Variants in ZNF638 observed in about 807,000 individuals in gnomAD.
ZNF638 encodes CTCL tumor antigen se33-1.
A neutral mutation model predicts 195.6 loss-of-function variants in ZNF638; 46 were observed. That is an observed-to-expected ratio of 0.24 (90% CI 0.19 to 0.30). The LOEUF (loss-of-function observed/expected upper bound fraction) is 0.30. ZNF638 is among the 10% of genes least tolerant of loss of function. ZNF638 has a pLI of 1.00. For missense variants in ZNF638, 2,440 were observed against 2,325.3 expected (o/e 1.05, Z -1.01); for synonymous variants, 845 against 772.0 (o/e 1.09, Z -1.57).
chr2:71,380,456 A>AT, intron 9 of ZNF638, 57 bp from the exon 10 acceptor site: 1 of 1,469,856 alleles, frequency 6.8e-7, no homozygotes, highest in Non-Finnish European at 9.3e-7. Flanking sequence ...CATTTTTAGG[A>AT]TTTTGTAGAA....
rs766133426 is a variant in ZNF638, at chr2:71,349,921, A to G, written c.967A>G (p.Met323Val). Residue 323 changes from methionine (M) to valine (V), a missense_variant, in exon 2 of 28, where the codon ATG becomes GTG. Transcript: ENST00000264447. ...CATTAACCAAACAGTTAGCCAGACA[A>G]TGAGTCAATCTCTGATTCCTCCATC... ...QSINQTVSQT[M>V]SQSLIPPSMN... 1.1e-5 allele frequency: 17 copies of G among 1,614,112 alleles called. No individual in the cohort carries two copies. The highest frequency in any genetic ancestry group is 5.0e-5 in the Admixed American group (3 of 60,014).
chr2:71,411,481 T>A (rs1319312977), intron 20 of ZNF638, among the ~76,000 whole-genome samples: 1 of 145,148 alleles, frequency 6.9e-6, no homozygotes, highest in Admixed American at 6.9e-5. Context: ...TTAATTTTTT[T>A]TTTTTTATTA....
intron 3 of ZNF638, chr2:71,361,544 A>G (rs2079109770): frequency 6.6e-6 from 1 of 152,216 alleles, no homozygotes; most frequent in Admixed American, 6.5e-5. Context: ...AAAGTTTTAA[A>G]AAGTGTGGAA....
At chr2:71,388,523 T>A in intron 10 of ZNF638, 1 of 713,022 alleles carries the variant, frequency 1.4e-6, no homozygotes, top group Non-Finnish European at 2.6e-6. Flanking sequence ...TTATTGGGGC[T>A]GCGTTCTCTC....
At chr2:71,417,178 G>C (rs1573151789) in intron 20 of ZNF638, among the ~76,000 whole-genome samples, 3 of 151,808 alleles carry the variant, frequency 2.0e-5, no homozygotes, top group East Asian at 3.9e-4. Context: ...ATAGTCTCGT[G>C]GTGTGCCGTT....
chr2:71,365,794 A>C (rs1001220071), intron 6 of ZNF638, 88 bp downstream of exon 6: 5 of 1,272,668 alleles, frequency 3.9e-6, no homozygotes, highest in African/African-American at 1.5e-5. Context: ...AGCATGGCTC[A>C]CTGCAGCCTC....
rs202213703 is a variant in ZNF638, at chr2:71,423,695, T to C, written c.4181T>C (p.Ile1394Thr). The change falls in exon 22 of 28, where the codon ATC becomes ACC. Residue 1394 changes from isoleucine (I) to threonine (T), a missense_variant. Physicochemically the swap from Ile to Thr is moderately conservative, Grantham distance 89 (BLOSUM62 -1). This residue lies in a region of ZNF638 where 1,883 missense variants were observed against 1,739.1 expected (regional missense o/e 1.08). Transcript: ENST00000264447. The part of the protein sequence containing the change: ...VSDVSSSKPS[I>T]KAVIVSSPKA... ...GATGTATCTAGCAGTAAACCAAGCATCAAGGCTGTTATAGTCTCTTCTCCT... is the reference window on the plus strand; with the variant it reads ...GATGTATCTAGCAGTAAACCAAGCACCAAGGCTGTTATAGTCTCTTCTCCT... 2.5e-6 allele frequency: 4 copies of C among 1,613,856 alleles called. No homozygotes were observed. Among genetic ancestry groups the C allele is most frequent in the East Asian group, 4.5e-5 (2 of 44,886 alleles).
intron 2 of ZNF638, among the ~76,000 whole-genome samples, chr2:71,353,812 CAAAT>C (rs1056738879): frequency 6.6e-6 from 1 of 152,178 alleles, no homozygotes; most frequent in African/African-American, 2.4e-5. Flanking sequence ...CTTTATGGTT[CAAAT>C]AAATCATGCC....
intron 1 of ZNF638, 81 bp downstream of exon 1, chr2:71,331,956 A>T (rs2078576520): frequency 1.0e-6 from 1 of 981,274 alleles, no homozygotes. Flanking sequence ...TTCCTGTGAG[A>T]TCCGGGCCGA....
chr2:71,396,069 G>T, intron 10 of ZNF638, 72 bp from the exon 11 acceptor site: 3 of 1,397,534 alleles, frequency 2.1e-6, no homozygotes, highest in Non-Finnish European at 3.0e-6. Flanking sequence ...ATTATTGCTA[G>T]GTTGACTTTT....
intron 16 of ZNF638, 148 bp downstream of exon 16, chr2:71,402,235 A>G: frequency 2.6e-6 from 2 of 768,480 alleles, no homozygotes; most frequent in East Asian, 3.1e-5. Context: ...TAAAACACAG[A>G]TATCCTGTAT....
chr2:71,400,030 C>A, intron 13 of ZNF638, 82 bp from the exon 14 acceptor site: 1 of 1,173,730 alleles, frequency 8.5e-7, no homozygotes, highest in Non-Finnish European at 1.2e-6. Flanking sequence ...AAATGTCAAA[C>A]TAGCTTAAGT....
chr2:71,417,127 A>C (rs1390491029), intron 20 of ZNF638, among the ~76,000 whole-genome samples: 2 of 147,208 alleles, frequency 1.4e-5, no homozygotes, highest in African/African-American at 5.0e-5. Flanking sequence ...GCAATCAGCG[A>C]GATTCCGTGG....
At chr2:71,411,538 A>C (rs1180977650) in intron 20 of ZNF638, among the ~76,000 whole-genome samples, 2 of 117,200 alleles carry the variant, frequency 1.7e-5, no homozygotes, top group Admixed American at 9.4e-5. Flanking sequence ...GGTTAGTTAC[A>C]TATGTATACA....
chr2:71,333,943 CTG>C (rs1249405736), intron 1 of ZNF638, among the ~76,000 whole-genome samples: 4 of 152,150 alleles, frequency 2.6e-5, no homozygotes, highest in African/African-American at 7.2e-5. Flanking sequence ...AAATTATAAT[CTG>C]TGGGTATTCT....
intron 1 of ZNF638, chr2:71,333,128 A>C (rs980007411): frequency 1.3e-5 from 2 of 152,262 alleles, no homozygotes; most frequent in African/African-American, 4.8e-5. Flanking sequence ...ATGACATTCA[A>C]ATAGCTTTAA....
chr2:71,348,906 T>C lies in ZNF638; in HGVS notation c.-49T>C. 6.2e-7 allele frequency: 1 copy of C among 1,614,134 alleles called. No individual in the cohort carries two copies. Among genetic ancestry groups the C allele is most frequent in the Non-Finnish European group, 8.5e-7 (1 of 1,180,012 alleles). On this transcript the variant is annotated 5_prime_UTR_variant, in exon 2 of 28. Coordinates refer to ENST00000264447, the MANE Select transcript of ZNF638 (RefSeq NM_014497.5). ...AGCTGAATGCCGTTGCCTCACATGG[T>C]TCAACACCACCTTATACTTTATTAA...
intron 3 of ZNF638, among the ~76,000 whole-genome samples, chr2:71,361,451 C>T (rs1413799559): frequency 6.6e-6 from 1 of 152,164 alleles, no homozygotes; most frequent in East Asian, 1.9e-4. Flanking sequence ...TATAGTGAAA[C>T]CCAGTTTTGT....
chr2:71,395,273 A>G, intron 10 of ZNF638: 1 of 717,348 alleles, frequency 1.4e-6, no homozygotes, highest in South Asian at 1.5e-5. Flanking sequence ...ACGAGCAGTA[A>G]TCGCTACGCC....
Sources: allele counts gnomAD v4.1 joint callset (sites outside exome capture counted in the v4.1 genomes callset), GRCh38; gene constraint gnomAD v4.1.1; regional missense constraint gnomAD v4.1.1; transcripts MANE v1.5; gene names NCBI Gene and HGNC (gene_info 2026-07-23, HGNC 2026-07-21).